The following ZZEF1 variants were observed in gnomAD, a reference collection of about 807,000 sequenced individuals.
ZZEF1 encodes zinc finger ZZ-type and EF-hand domain-containing protein 1.
In ZZEF1, 157 loss-of-function variants were observed where a neutral mutation model predicts 342.8. The observed-to-expected ratio is 0.46, with a 90% CI of 0.40 to 0.52. ZZEF1 has a LOEUF of 0.52. ZZEF1 is among the 20% of genes least tolerant of loss of function. The pLI is 0.00. For missense variants in ZZEF1, 3,480 were observed against 3,725.6 expected (o/e 0.93, Z 1.72); for synonymous variants, 1,505 against 1,429.1 (o/e 1.05, Z -1.20).
chr17:4,100,143 C>T (rs1267855545), intron 9 of ZZEF1, among the ~76,000 whole-genome samples: 1 of 152,160 alleles, frequency 6.6e-6, no homozygotes, highest in South Asian at 2.1e-4. Flanking sequence ...GTTGGAGAAT[C>T]AGACGTGTAC....
chr17:4,075,057 G>A (rs763845102), intron 23 of ZZEF1, 40 bp downstream of exon 23: 1 of 1,598,708 alleles, frequency 6.3e-7, no homozygotes, highest in South Asian at 1.1e-5. Flanking sequence ...GAAAAGCATT[G>A]GTGCAGAAGT....
chr17:4,063,726 T>C (rs1301692977), intron 29 of ZZEF1, among the ~76,000 whole-genome samples: 1 of 122,496 alleles, frequency 8.2e-6, no homozygotes, highest in East Asian at 2.2e-4. Flanking sequence ...CACACTCAGG[T>C]CATTTTTTTT....
rs1419770716 is a variant in ZZEF1, at chr17:4,105,825, G to A, written c.1278-16C>T. The stretch of plus-strand genomic sequence containing the variant: ...CAGCGCCTTCCTAGAAGAGGAAAAT[G>A]TAAAATGTAATCAGAACAAAACCAG... On this transcript the variant is annotated splice_polypyrimidine_tract_variant and intron_variant, in intron 6 of 54. Transcript: ENST00000381638. The A allele has an allele frequency of 2.5e-6, 4 of 1,586,186 alleles. No homozygotes were observed. Among genetic ancestry groups the A allele is most frequent in the Non-Finnish European group, 3.4e-6 (4 of 1,168,910 alleles).
chr17:4,142,804 G>A lies in ZZEF1; in HGVS notation c.92C>T (p.Ser31Leu). ...GACGCCCGGGCCGGGGGTCGTGCCCGAGACCGCGGCCCAGTCCTGGTGTGG... is the reference window on the plus strand; with the variant it reads ...GACGCCCGGGCCGGGGGTCGTGCCCAAGACCGCGGCCCAGTCCTGGTGTGG... ...WGPHQDWAAV[S>L]GTTPGPGVAA... Residue 31 changes from serine to leucine, a missense_variant, in exon 1 of 55, where the codon TCG becomes TTG. Ser to Leu is a moderately radical substitution (Grantham distance 145). Coordinates refer to ENST00000381638, the MANE Select transcript of ZZEF1 (RefSeq NM_015113.4). The A allele has an allele frequency of 1.4e-6, 2 of 1,407,670 alleles. No individual in the cohort carries two copies. Among genetic ancestry groups the A allele is most frequent in the African/African-American group, 1.5e-5 (1 of 65,940 alleles). The allele number at this position is 1,407,670 out of a possible 1,614,324, so 87.2% of individuals were successfully genotyped here. A position where few individuals can be genotyped will look rare whatever the true frequency, so the allele number is the denominator to read the frequency against.
rs563756463 is a variant in ZZEF1 at position 4,043,266 on chromosome 17, G to A, written c.6167-698C>T. On this transcript the variant is annotated intron_variant, in intron 38 of 54. Transcript: ENST00000381638. Reference sequence around the variant, plus strand: ...CACCTAGAGGTGTTTCTGGAGCATGGCAGGTACTTAATACTTGATGAATGA... The same window carrying A: ...CACCTAGAGGTGTTTCTGGAGCATGACAGGTACTTAATACTTGATGAATGA... Among the ~76,000 whole-genome samples the A allele has an allele frequency of 9.8e-5, 15 of 152,304 alleles. No homozygotes were observed. In the South Asian group the frequency reaches 2.7e-3, roughly 27 times the overall value.
intron 34 of ZZEF1, among the ~76,000 whole-genome samples, chr17:4,052,877 C>G (rs781851): frequency 0.28 from 34,693 of 121,880 alleles, 4,633 homozygotes; most frequent in African/African-American, 0.47. Context: ...GGGAGGGCGG[C>G]GGGGGAGAAA....
At chr17:4,095,810 A>C (rs768077920) in intron 11 of ZZEF1, 21 bp downstream of exon 11, 16 of 1,590,572 alleles carry the variant, frequency 1.0e-5, no homozygotes, top group Non-Finnish European at 1.4e-5. Context: ...TTTGTTCTAC[A>C]AAGATTTTTT....
chr17:4,112,769 G>A lies in ZZEF1; in HGVS notation c.906C>T (p.Ser302=), dbSNP rs1239905684. 1 of 1,600,040 alleles carries A rather than the reference G, an allele frequency of 6.2e-7. No homozygotes were observed. The highest frequency in any genetic ancestry group is 8.5e-7 in the Non-Finnish European group (1 of 1,170,976). ...MKPDVVLRHL[S]IAVAATDQSY... is the part of the protein sequence containing the mutation. ...TCTGGTCAGTGGCAGCCACTGCAAT[G>A]GACAGGTGCCTAAGCACAACATCTG... The change falls in exon 5 of 55, where the codon TCC becomes TCT. Residue 302 remains serine, a synonymous_variant. Coordinates refer to ENST00000381638, the MANE Select transcript of ZZEF1 (RefSeq NM_015113.4).
rs577017866 is a variant in ZZEF1 at position 4,005,952 on chromosome 17, G to A, written c.*938C>T. 1.3e-5 allele frequency: 2 copies of A among 152,332 alleles called. No individual in the cohort carries two copies. The highest frequency in any genetic ancestry group is 6.5e-5 in the Admixed American group (1 of 15,298). 9.4% of individuals were successfully genotyped at this position (152,332 alleles called of 1,614,324 possible). ...AACTAATGTCGTTATTGCTACAAGTGACAGCCAAACAGCCACGCAGAGTCC... is the reference window on the plus strand; with the variant it reads ...AACTAATGTCGTTATTGCTACAAGTAACAGCCAAACAGCCACGCAGAGTCC... On this transcript the variant is annotated 3_prime_UTR_variant, in exon 55 of 55. Transcript: ENST00000381638.
intron 42 of ZZEF1, among the ~76,000 whole-genome samples, chr17:4,029,474 G>A (rs928116185): frequency 1.3e-5 from 2 of 151,604 alleles, no homozygotes; most frequent in African/African-American, 4.8e-5. Context: ...TGTTCCTACT[G>A]AATCCAAGGG....
chr17:4,065,850 G>A (rs894312641), intron 28 of ZZEF1, among the ~76,000 whole-genome samples: 3 of 152,016 alleles, frequency 2.0e-5, no homozygotes, highest in East Asian at 3.8e-4. Context: ...TCATAACAAG[G>A]CCAGGTGCAG....
At chr17:4,108,529 T>A (rs1001605939) in intron 6 of ZZEF1, among the ~76,000 whole-genome samples, 5 of 152,198 alleles carry the variant, frequency 3.3e-5, no homozygotes, top group African/African-American at 1.2e-4. Flanking sequence ...GTAAGGGGCG[T>A]GACTGGGGCA....
chr17:4,059,252 T>C lies in ZZEF1; in HGVS notation c.4922A>G (p.His1641Arg), dbSNP rs568282710. The C allele has an allele frequency of 3.7e-6, 6 of 1,607,478 alleles. No individual in the cohort carries two copies. Among genetic ancestry groups the C allele is most frequent in the African/African-American group, 1.3e-5 (1 of 74,670 alleles). Residue 1641 changes from histidine to arginine, a missense_variant, in exon 31 of 55, where the codon CAC becomes CGC. Physicochemically the swap from His to Arg is conservative, Grantham distance 29. Around this residue, in one of 5 missense-constraint regions of ZZEF1, gnomAD observed 1,528 missense variants for 1,624.1 expected, o/e 0.94. Transcript: ENST00000381638. The stretch of plus-strand genomic sequence containing the variant: ...ATAGTAAGTGTCTCGAATTTCTTTG[T>C]GTAGATCAGCACCACAGCCTTCCAG... ...GHLEGCGADL[H>R]KEIRDTYYQL...
In ZZEF1 at chr17:4,004,776, G is replaced by A. The variant is rs926834101; in HGVS notation, c.*2114C>T. ...TGGGGCTCCTGGAAAGCGCCGGGAC[G>A]CGGCGGCTCTGGCTCGGCAGCGCCA... On this transcript the variant is annotated 3_prime_UTR_variant, in exon 55 of 55. Coordinates refer to ENST00000381638, the MANE Select transcript of ZZEF1 (RefSeq NM_015113.4). 1.3e-5 allele frequency: 2 copies of A among 152,250 alleles called. No homozygotes were observed. Among genetic ancestry groups the A allele is most frequent in the Non-Finnish European group, 2.9e-5 (2 of 68,056 alleles). The allele number at this position is 152,250 out of a possible 1,614,324, so 9.4% of individuals were successfully genotyped here.
At chr17:4,066,137 C>G (rs2057388966) in intron 28 of ZZEF1, among the ~76,000 whole-genome samples, 1 of 152,016 alleles carries the variant, frequency 6.6e-6, no homozygotes, top group African/African-American at 2.4e-5. Context: ...CCACTGCACT[C>G]CAGCCTGGGA....
intron 11 of ZZEF1, among the ~76,000 whole-genome samples, chr17:4,091,234 C>A (rs1297533178): frequency 6.6e-6 from 1 of 152,150 alleles, no homozygotes; most frequent in African/African-American, 2.4e-5. Flanking sequence ...ATGTTTATGA[C>A]CAACCTGAGG....
chr17:4,072,299 A>G (rs1330813224), intron 25 of ZZEF1, among the ~76,000 whole-genome samples: 2 of 152,250 alleles, frequency 1.3e-5, no homozygotes, highest in Non-Finnish European at 2.9e-5. Context: ...TCATTGCTCT[A>G]AAGCTTGACT....
intron 11 of ZZEF1, among the ~76,000 whole-genome samples, chr17:4,093,500 AG>A (rs1442511131): frequency 6.6e-6 from 1 of 152,244 alleles, no homozygotes. Flanking sequence ...ATGCTGCTAA[AG>A]GAATTGCAGC....
intron 2 of ZZEF1, among the ~76,000 whole-genome samples, chr17:4,121,084 C>T (rs1307520211): frequency 6.6e-6 from 1 of 152,212 alleles, no homozygotes; most frequent in East Asian, 1.9e-4. Flanking sequence ...AGTCCTAAGT[C>T]ATGAGCCTGC....
Sources: gnomAD v4.1 joint callset for allele counts (sites outside exome capture counted in the v4.1 genomes callset) on GRCh38, gnomAD v4.1.1 for gene constraint, gnomAD v4.1.1 regional missense constraint, MANE v1.5 for transcripts, NCBI Gene and HGNC (gene_info 2026-07-23, HGNC 2026-07-21) for gene names.